The following AMPD3 variants were observed in gnomAD, a reference collection of about 807,000 sequenced individuals.
AMPD3 encodes the protein AMP deaminase 3.
Under a neutral mutation model 82.3 loss-of-function variants are expected in AMPD3, and 57 were observed. The observed-to-expected ratio is 0.69, with a 90% CI of 0.56 to 0.86. The LOEUF (loss-of-function observed/expected upper bound fraction) is 0.86, where lower values mean the gene tolerates loss of function less well. AMPD3 is among the 40% of genes least tolerant of loss of function. The probability of loss-of-function intolerance (pLI) is 0.00; values close to 1 mark genes in which losing one functional copy is unlikely to be tolerated. For missense variants in AMPD3, 870 were observed against 1,003.8 expected, an observed-to-expected ratio of 0.87 and a Z score of 1.80; for synonymous variants, 381 against 394.7, an observed-to-expected ratio of 0.97 and a Z score of 0.41.
intron 7 of AMPD3, 80 bp downstream of exon 7, chr11:10,493,623 T>C: frequency 2.0e-6 from 3 of 1,517,170 alleles, no homozygotes; most frequent in Non-Finnish European, 2.7e-6. Flanking sequence ...GCCACCATGA[T>C]TGTGCTTGCC....
chr11:10,496,190 C>T (rs1337985830), intron 9 of AMPD3: 10 of 981,860 alleles, frequency 1.0e-5, no homozygotes, highest in Non-Finnish European at 1.1e-5. Flanking sequence ...GCTGGGATTA[C>T]AGGTGTGAGC....
At chr11:10,473,188 T>C (rs1848643245) in intron 2 of AMPD3, among the ~76,000 whole-genome samples, 2 of 152,176 alleles carry the variant, frequency 1.3e-5, no homozygotes, top group Admixed American at 1.3e-4. Flanking sequence ...GAGAATTGCT[T>C]GAACCCAGGA....
chr11:10,471,536 AT>A (rs908783145), intron 2 of AMPD3, among the ~76,000 whole-genome samples: 5 of 152,186 alleles, frequency 3.3e-5, no homozygotes, highest in Admixed American at 3.3e-4. Context: ...ACAGGAGAAA[AT>A]TTTTTCAATC....
intron 10 of AMPD3, 45 bp downstream of exon 10, chr11:10,496,983 C>T (rs1467575007): frequency 1.9e-6 from 3 of 1,607,320 alleles, no homozygotes. Context: ...GCGGCAGAGG[C>T]AGGAATGGAT....
chr11:10,494,812 A>G, intron 7 of AMPD3, 87 bp from the exon 8 acceptor site: 1 of 1,580,422 alleles, frequency 6.3e-7, no homozygotes, highest in Non-Finnish European at 8.7e-7. Flanking sequence ...GTGGCCATAC[A>G]GAAGGCCGCC....
At chr11:10,481,540 G>T (rs947319031) in intron 3 of AMPD3, 2 of 980,388 alleles carry the variant, frequency 2.0e-6, no homozygotes, top group Non-Finnish European at 2.4e-6. Context: ...GACCACTCCA[G>T]GTTGGATGAT....
In AMPD3 at chr11:10,485,051, T is replaced by A. The variant is rs1157916866; in HGVS notation, c.809+12T>A. ...ACCGATGGCCCCACGTAAGCTAGCT[T>A]CTCCGCGGCTGCCTGTCTTTGCACA... On this transcript the variant is annotated intron_variant, in intron 5 of 14. Coordinates refer to ENST00000396553, the MANE Select transcript of AMPD3 (RefSeq NM_001025389.2). The A allele has an allele frequency of 6.2e-7, 1 of 1,608,094 alleles. No individual in the cohort carries two copies. Among genetic ancestry groups the A allele is most frequent in the Admixed American group, 1.7e-5 (1 of 59,236 alleles).
chr11:10,459,174 A>G (rs1162290663), intron 1 of AMPD3, among the ~76,000 whole-genome samples: 3 of 152,028 alleles, frequency 2.0e-5, no homozygotes, highest in Non-Finnish European at 4.4e-5. Context: ...TTGTGTGTTG[A>G]CAGGCTGTTC....
rs929360583 is a variant in AMPD3, at chr11:10,493,473, T to C, written c.1064T>C (p.Leu355Pro). The change falls in exon 7 of 15, where the codon CTG (leucine) becomes CCG (proline). Residue 355 changes from leucine (L) to proline (P), a missense_variant. Coordinates refer to ENST00000396553, the MANE Select transcript of AMPD3 (RefSeq NM_001025389.2). ...GAGAAGCGGGGCCGGAAGATCACCC[T>C]GCGGCAGGTGTTTGACGGCCTGCAC... Reference protein sequence around the residue: ...VAEKRGRKITLRQVFDGLHMD... With the variant: ...VAEKRGRKITPRQVFDGLHMD... 1 of 1,614,198 alleles carries C rather than the reference T, an allele frequency of 6.2e-7. No individual in the cohort carries two copies. The highest frequency in any genetic ancestry group is 1.7e-5 in the Admixed American group (1 of 60,032).
At chr11:10,504,497 A>G in intron 13 of AMPD3, 52 bp from the exon 14 acceptor site, 1 of 1,554,970 alleles carries the variant, frequency 6.4e-7, no homozygotes, top group Non-Finnish European at 8.9e-7. Flanking sequence ...TGTGTGAACG[A>G]TTGACATGGA....
intron 12 of AMPD3, chr11:10,501,796 C>G (rs2133942620): frequency 1.0e-6 from 1 of 984,734 alleles, no homozygotes; most frequent in Non-Finnish European, 1.2e-6. Context: ...TGGAAAAAAG[C>G]CAGCCCTTAT....
rs1161216673 is a variant in AMPD3 at position 10,456,684 on chromosome 11, C to T, written c.-6+1236C>T. 1.7e-5 allele frequency: 15 copies of T among 899,898 alleles called. No individual in the cohort carries two copies. Among genetic ancestry groups the T allele is most frequent in the Non-Finnish European group, 2.0e-5 (15 of 751,918 alleles). 55.7% of individuals were successfully genotyped at this position (899,898 alleles called of 1,614,324 possible). On this transcript the variant is annotated intron_variant, in intron 1 of 14. Coordinates refer to ENST00000396553, the MANE Select transcript of AMPD3 (RefSeq NM_001025389.2). This position sits in a 1 kb window ranked among gnomAD's most constrained non-coding sequence, Gnocchi z 4.3. ...CTAAGCCTCCCAAGCCTGCTGGCTT[C>T]AGCTGACAAAGGGTTGGAAGCCAGG...
intron 5 of AMPD3, 83 bp downstream of exon 5, chr11:10,485,122 C>T: frequency 7.8e-7 from 1 of 1,278,812 alleles, no homozygotes; most frequent in Non-Finnish European, 1.1e-6. Flanking sequence ...CACCCCTCTG[C>T]CCTGGGGTCC....
chr11:10,479,881 T>A, intron 3 of AMPD3: 1 of 984,994 alleles, frequency 1.0e-6, no homozygotes, highest in Non-Finnish European at 1.2e-6. Flanking sequence ...TTCCCATGGA[T>A]GGGAGTTTAG....
intron 11 of AMPD3, chr11:10,500,777 C>G (rs895254386): frequency 1.0e-6 from 1 of 985,484 alleles, no homozygotes; most frequent in Middle Eastern, 5.2e-4. Flanking sequence ...CCCTTACAGG[C>G]AGAGGCTCCT....
intron 12 of AMPD3, chr11:10,502,202 A>T: frequency 2.0e-6 from 2 of 985,366 alleles, no homozygotes; most frequent in Non-Finnish European, 2.4e-6. Context: ...AGGTGTAACC[A>T]TGGGTCACAT....
In AMPD3 at chr11:10,488,260, G is replaced by A. The variant is rs114134066; in HGVS notation, c.939+896G>A. 521 of 985,450 alleles carry A rather than the reference G, an allele frequency of 5.3e-4. 6 individuals are homozygous for A. In the African/African-American group the frequency reaches 8.6e-3, roughly 16 times the overall value. 61.0% of individuals were successfully genotyped at this position (985,450 alleles called of 1,614,324 possible). A position where few individuals can be genotyped will look rare whatever the true frequency, so the allele number is the denominator to read the frequency against. ...TTTTGCTGAAGCGCTGTGCAGTGAG[G>A]CACAGGGTCAGTGCTAGGCAGGGGG... is the stretch of plus-strand genomic sequence containing the variant. On this transcript the variant is annotated intron_variant, in intron 6 of 14. Transcript: ENST00000396553.
At chr11:10,501,930 G>A (rs1849592235) in intron 12 of AMPD3, 2 of 984,942 alleles carry the variant, frequency 2.0e-6, no homozygotes, top group Non-Finnish European at 2.4e-6. Context: ...TTCCTGCCTC[G>A]TCCCTTACTG....
chr11:10,475,629 A>G (rs1299607951), intron 2 of AMPD3, among the ~76,000 whole-genome samples: 1 of 152,200 alleles, frequency 6.6e-6, no homozygotes, highest in Non-Finnish European at 1.5e-5. Flanking sequence ...GGAATATGGC[A>G]CAGTTGACCT....
Sources: gnomAD v4.1 joint callset for allele counts (sites outside exome capture counted in the v4.1 genomes callset) on GRCh38, gnomAD v4.1.1 for gene constraint, Gnocchi (gnomAD v3.1) non-coding constraint, MANE v1.5 for transcripts, NCBI Gene and HGNC (gene_info 2026-07-23, HGNC 2026-07-21) for gene names.